FLNB: variants seen among roughly 807,000 people sequenced by gnomAD.
The protein encoded by FLNB is filamin B, also known as filamin-B.
Under a neutral mutation model 250.6 loss-of-function variants are expected in FLNB, and 111 were observed. The ratio of observed to expected loss-of-function variants is 0.44; its 90% CI spans 0.38 to 0.52. The LOEUF (loss-of-function observed/expected upper bound fraction) is 0.52. Ranked by LOEUF, FLNB falls within the 20% of genes least tolerant of loss-of-function variation. The pLI, the probability that FLNB is intolerant of heterozygous loss-of-function variation, is 0.00. For synonymous variants in FLNB, 1,302 were observed against 1,372.1 expected, an observed-to-expected ratio of 0.95 and a Z score of 1.13; for missense variants, 2,869 against 3,447.8, an observed-to-expected ratio of 0.83 and a Z score of 4.20.
chr3:58,132,722 T>C (rs2097309514), intron 25 of FLNB, 86 bp from the exon 26 acceptor site: 1 of 1,556,502 alleles, frequency 6.4e-7, no homozygotes. Flanking sequence ...CTCTTGGGGA[T>C]GGATGTGGTC....
chr3:58,071,205 C>G (rs547109214), intron 1 of FLNB, among the ~76,000 whole-genome samples: 1 of 151,426 alleles, frequency 6.6e-6, no homozygotes, highest in Non-Finnish European at 1.5e-5. Flanking sequence ...CCTCCTGTCT[C>G]AGCTTCCCAT....
At chr3:58,126,232 C>T (rs538758785) in intron 23 of FLNB, among the ~76,000 whole-genome samples, 3 of 152,064 alleles carry the variant, frequency 2.0e-5, no homozygotes, top group Non-Finnish European at 2.9e-5. Context: ...TAAAAATTAG[C>T]TGGGCTTGGT....
At chr3:58,033,386 G>T (rs2097133634) in intron 1 of FLNB, among the ~76,000 whole-genome samples, 1 of 119,010 alleles carries the variant, frequency 8.4e-6, no homozygotes, top group South Asian at 3.4e-4. Flanking sequence ...GAATCATATA[G>T]TATGCTGTTT....
At chr3:58,058,437 C>G (rs984094564) in intron 1 of FLNB, among the ~76,000 whole-genome samples, 1 of 150,608 alleles carries the variant, frequency 6.6e-6, no homozygotes, top group Admixed American at 6.6e-5. Flanking sequence ...TCGTCACAGA[C>G]AACATATTGC....
In FLNB at chr3:58,142,833, C is replaced by T; in HGVS notation, c.5284+81C>T. On this transcript the variant is annotated intron_variant, in intron 31 of 45. Coordinates refer to ENST00000295956, the MANE Select transcript of FLNB (RefSeq NM_001457.4). This position sits in a 1 kb window ranked among gnomAD's most constrained non-coding sequence, Gnocchi z 4.3. ...GAATGGTGCTGGGGAGGTGTGTCCA[C>T]TGTCCCCCAGACCCAGGCTCCTTAA... is the stretch of plus-strand genomic sequence containing the variant. 8.1e-7 allele frequency: 1 copy of T among 1,239,324 alleles called. No individual in the cohort carries two copies. The highest frequency in any genetic ancestry group is 1.2e-5 in the South Asian group (1 of 82,538). 76.8% of individuals were successfully genotyped at this position (1,239,324 alleles called of 1,614,324 possible).
intron 1 of FLNB, among the ~76,000 whole-genome samples, chr3:58,060,084 C>G (rs1250267071): frequency 6.6e-6 from 1 of 152,204 alleles, no homozygotes; most frequent in East Asian, 1.9e-4. Flanking sequence ...CTGCACAGGG[C>G]CAAGCCCTCA....
chr3:58,105,457 A>G (rs953977246), intron 11 of FLNB, among the ~76,000 whole-genome samples: 7 of 152,236 alleles, frequency 4.6e-5, no homozygotes, highest in Non-Finnish European at 1.0e-4. Flanking sequence ...GCCTAAAACA[A>G]TGCTTGGAAC....
chr3:58,150,432 C>T, intron 38 of FLNB: 1 of 624,974 alleles, frequency 1.6e-6, no homozygotes. Context: ...GTTTACCTTG[C>T]TACCTTTTTC....
chr3:58,098,642 T>G (rs2097243425), intron 7 of FLNB, 69 bp from the exon 8 acceptor site: 2 of 1,493,380 alleles, frequency 1.3e-6, no homozygotes, highest in African/African-American at 1.4e-5. Context: ...CTGTTTGCAT[T>G]TTGCACTCAG....
chr3:58,087,902 C>T (rs778646152), intron 4 of FLNB, among the ~76,000 whole-genome samples: 11 of 151,618 alleles, frequency 7.3e-5, no homozygotes, highest in Non-Finnish European at 1.0e-4. Context: ...CACCACACCC[C>T]GCCAATTTTG....
intron 24 of FLNB, among the ~76,000 whole-genome samples, chr3:58,128,958 G>A (rs1435192372): frequency 3.9e-5 from 6 of 152,134 alleles, no homozygotes; most frequent in Non-Finnish European, 5.9e-5. Context: ...ACTTTCCCAG[G>A]CAGAGATATT....
At chr3:58,037,460 A>G (rs1204984568) in intron 1 of FLNB, among the ~76,000 whole-genome samples, 2 of 152,154 alleles carry the variant, frequency 1.3e-5, no homozygotes, top group Non-Finnish European at 2.9e-5. Flanking sequence ...AGCCCCTTGT[A>G]ATGAATGGGG....
chr3:58,141,796 T>C lies in FLNB; in HGVS notation c.5110-62T>C, dbSNP rs371398363. Reference sequence around the variant, plus strand: ...AGTGGGGGAAGCAGCTCTGTGGTGGTAGTCTACTGAGTGTATCCTTCCAGT... The same window carrying C: ...AGTGGGGGAAGCAGCTCTGTGGTGGCAGTCTACTGAGTGTATCCTTCCAGT... On this transcript the variant is annotated intron_variant, in intron 29 of 45. Coordinates refer to ENST00000295956, the MANE Select transcript of FLNB (RefSeq NM_001457.4). The C allele has an allele frequency of 5.3e-4, 743 of 1,410,988 alleles. 1 individual carries two copies. In the Middle Eastern group the frequency reaches 9.5e-3, roughly 18 times the overall value. 87.4% of individuals were successfully genotyped at this position (1,410,988 alleles called of 1,614,324 possible). A position where few individuals can be genotyped will look rare whatever the true frequency, so the allele number is the denominator to read the frequency against.
chr3:58,013,592 A>C (rs1164530570), intron 1 of FLNB, among the ~76,000 whole-genome samples: 1 of 152,228 alleles, frequency 6.6e-6, no homozygotes, highest in Non-Finnish European at 1.5e-5. Context: ...TGGGAGGCCA[A>C]GGTGGGTGGA....
chr3:58,095,029 G>A (rs771534892), intron 5 of FLNB, 75 bp downstream of exon 5: 4 of 1,135,820 alleles, frequency 3.5e-6, no homozygotes, highest in Non-Finnish European at 4.0e-6. Flanking sequence ...GCCAGGGACT[G>A]TGCCTCCATT....
intron 27 of FLNB, among the ~76,000 whole-genome samples, chr3:58,135,616 C>T (rs1024405056): frequency 1.4e-4 from 22 of 152,230 alleles, no homozygotes; most frequent in African/African-American, 4.1e-4. Context: ...CTTCTGGGAG[C>T]GGTGCACCTA....
chr3:58,045,774 T>C (rs1444631701), intron 1 of FLNB, among the ~76,000 whole-genome samples: 1 of 151,700 alleles, frequency 6.6e-6, no homozygotes. Context: ...CTGAGGCGGG[T>C]GCATCACTTG....
At chr3:58,167,962 A>G (rs1163095493) in intron 43 of FLNB, among the ~76,000 whole-genome samples, 1 of 152,210 alleles carries the variant, frequency 6.6e-6, no homozygotes, top group Admixed American at 6.5e-5. Context: ...TCTGCAGCAC[A>G]GTGCCTGGGG....
In FLNB at chr3:58,154,828, A is replaced by G. The variant is rs1427245378; in HGVS notation, c.6672A>G (p.Gly2224=). The change falls in exon 40 of 46, where the codon GGA becomes GGG. Residue 2224 remains glycine (G), a synonymous_variant. Transcript: ENST00000295956. Reference sequence around the variant, plus strand: ...TTTGGACCCGGGAAGCAGGCGCTGGAGGCCTCTCCATCGCTGTTGAGGGCC... The same window carrying G: ...TTTGGACCCGGGAAGCAGGCGCTGGGGGCCTCTCCATCGCTGTTGAGGGCC... ...FSIWTREAGA[G]GLSIAVEGPS... 6.2e-7 allele frequency: 1 copy of G among 1,613,946 alleles called. No homozygotes were observed. Among genetic ancestry groups the G allele is most frequent in the Non-Finnish European group, 8.5e-7 (1 of 1,179,948 alleles).
Sources: allele counts gnomAD v4.1 joint callset (sites outside exome capture counted in the v4.1 genomes callset), GRCh38; gene constraint gnomAD v4.1.1; non-coding constraint Gnocchi (gnomAD v3.1); transcripts MANE v1.5; gene names NCBI Gene and HGNC (gene_info 2026-07-23, HGNC 2026-07-21).